CGNL1: variants seen among roughly 807,000 people sequenced by gnomAD.
CGNL1 encodes cingulin-like protein 1.
In CGNL1, 132 loss-of-function variants were observed where a neutral mutation model predicts 141.2. That is an observed-to-expected ratio of 0.93 (90% CI 0.81 to 1.08). The LOEUF is 1.08. Among genes scored for constraint, CGNL1 ranks in the 50% least tolerant of loss-of-function variants. CGNL1 has a pLI of 0.00. For missense variants in CGNL1, 1,870 were observed against 1,588.6 expected, an observed-to-expected ratio of 1.18 and a Z score of -3.01; for synonymous variants, 690 against 622.1, an observed-to-expected ratio of 1.11 and a Z score of -1.63.
intron 8 of CGNL1, among the ~76,000 whole-genome samples, chr15:57,473,533 A>G (rs2063609564): frequency 6.6e-6 from 1 of 152,112 alleles, no homozygotes; most frequent in Non-Finnish European, 1.5e-5. Context: ...GTCCCTTCCC[A>G]TGTCGAAAAG....
intron 1 of CGNL1, among the ~76,000 whole-genome samples, chr15:57,379,183 G>T (rs1161176785): frequency 6.6e-6 from 1 of 152,098 alleles, no homozygotes; most frequent in African/African-American, 2.4e-5. Flanking sequence ...TGAATTCATG[G>T]TGTCTGAAAA....
intron 8 of CGNL1, among the ~76,000 whole-genome samples, chr15:57,467,406 ACAG>A (rs2063523081): frequency 6.6e-6 from 1 of 152,160 alleles, no homozygotes; most frequent in South Asian, 2.1e-4. Flanking sequence ...GGTACTGAGT[ACAG>A]CATGAGCAAT....
chr15:57,538,464 T>TC (rs1189368319), intron 14 of CGNL1, among the ~76,000 whole-genome samples: 1 of 148,770 alleles, frequency 6.7e-6, no homozygotes, highest in African/African-American at 2.4e-5. Context: ...GATAAATAAT[T>TC]CCTTTTTTTG....
chr15:57,479,635 G>T (rs1231929719), intron 8 of CGNL1, among the ~76,000 whole-genome samples: 1 of 152,218 alleles, frequency 6.6e-6, no homozygotes, highest in Non-Finnish European at 1.5e-5. Flanking sequence ...CTGCACTTCA[G>T]CCTGGGTGAT....
At chr15:57,518,713 C>T (rs1372311520) in intron 10 of CGNL1, among the ~76,000 whole-genome samples, 1 of 152,204 alleles carries the variant, frequency 6.6e-6, no homozygotes, top group African/African-American at 2.4e-5. Context: ...GTTGTCACAA[C>T]TGGAGAGATG....
intron 1 of CGNL1, among the ~76,000 whole-genome samples, chr15:57,381,165 C>A (rs1354305587): frequency 1.3e-5 from 2 of 152,190 alleles, no homozygotes; most frequent in Admixed American, 6.5e-5. Flanking sequence ...ACTTTTCGTT[C>A]ATTACTGTAA....
chr15:57,379,046 TTTTGTG>T, intron 1 of CGNL1, among the ~76,000 whole-genome samples: 1 of 144,300 alleles, frequency 6.9e-6, no homozygotes, highest in East Asian at 1.9e-4. Context: ...CTACTGTTTT[TTTTGTG>T]TGTGTGTGTG....
intron 4 of CGNL1, among the ~76,000 whole-genome samples, chr15:57,445,345 C>G (rs1228989045): frequency 2.0e-5 from 3 of 152,202 alleles, no homozygotes; most frequent in African/African-American, 7.2e-5. Context: ...CCTATTACAG[C>G]TCCATGACTG....
In CGNL1 at chr15:57,481,805, TA is replaced by T. The variant is rs1322214834; in HGVS notation, c.2403+19915del. Among the ~76,000 whole-genome samples, 5 of 152,302 alleles carry T rather than the reference TA, an allele frequency of 3.3e-5. No individual in the cohort carries two copies. The East Asian group carries it at 9.6e-4, about 29-fold the overall frequency. On this transcript the variant is annotated intron_variant, in intron 8 of 18. Transcript: ENST00000281282. ...GGAGTGCAATTGCTAGGATGAATGG[TA>T]ATTACATGTTTAGCTTTTAAAGAAC...
chr15:57,466,609 C>CTACTTGGTAACACCATTG (rs1459931373), intron 8 of CGNL1, among the ~76,000 whole-genome samples: 2 of 152,102 alleles, frequency 1.3e-5, no homozygotes, highest in African/African-American at 2.4e-5. Flanking sequence ...TCATCATCTT[C>CTACTTGGTAACACCATTG]TACTTGGTAA....
At chr15:57,515,138 A>G (rs1227806981) in intron 8 of CGNL1, among the ~76,000 whole-genome samples, 1 of 152,092 alleles carries the variant, frequency 6.6e-6, no homozygotes, top group Non-Finnish European at 1.5e-5. Context: ...TCTCCTCTGT[A>G]TATTTTTGTG....
rs1268553284 is a variant in CGNL1, at chr15:57,439,345, G to A, written c.1346G>A (p.Gly449Glu). 3.0e-5 allele frequency: 48 copies of A among 1,614,030 alleles called. No individual in the cohort carries two copies. The highest frequency in any genetic ancestry group is 3.9e-5 in the Non-Finnish European group (46 of 1,180,056). The part of the protein sequence containing the change: ...SVGRTFAKLQ[G>E]AAHGASCAHS... ...GGCCGCACCTTTGCAAAGCTGCAGG[G>A]AGCAGCGCACGGGGCTTCATGTGCC... is the stretch of plus-strand genomic sequence containing the variant. The change falls in exon 2 of 19, where the codon GGA becomes GAA. Residue 449 changes from glycine to glutamate, a missense_variant. By Grantham distance (98) the Gly-to-Glu change is moderately conservative (BLOSUM62 -2). Transcript: ENST00000281282.
Position 57,442,374 on chromosome 15 carries a change from A to C in CGNL1, c.1699A>C (p.Ser567Arg). The C allele has an allele frequency of 6.2e-7, 1 of 1,603,218 alleles. No individual in the cohort carries two copies. Among genetic ancestry groups the C allele is most frequent in the Non-Finnish European group, 8.5e-7 (1 of 1,170,988 alleles). The change falls in exon 4 of 19, where the codon AGC becomes CGC. Residue 567 changes from serine to arginine, a missense_variant and splice_region_variant. Transcript: ENST00000281282. ...QILYNYLKEG[S>R]TDNDDATKRK... is the part of the protein sequence containing the mutation. ...TTTTCTCTGCTGTCCCTTTTTCAGAAGCACTGATAATGACGATGCTACTAA... is the reference window on the plus strand; with the variant it reads ...TTTTCTCTGCTGTCCCTTTTTCAGACGCACTGATAATGACGATGCTACTAA...
chr15:57,431,642 G>A (rs2063045895), intron 1 of CGNL1, among the ~76,000 whole-genome samples: 1 of 152,186 alleles, frequency 6.6e-6, no homozygotes, highest in Non-Finnish European at 1.5e-5. Context: ...TCCAACCTGC[G>A]GCCCGTGGGC....
At chr15:57,415,028 A>G (rs147012730) in intron 1 of CGNL1, among the ~76,000 whole-genome samples, 232 of 152,318 alleles carry the variant, frequency 1.5e-3, no homozygotes, top group African/African-American at 5.5e-3. Context: ...GGAGCAGATG[A>G]ATGGTGTCTT....
At chr15:57,402,391 C>G (rs2899601) in intron 1 of CGNL1, among the ~76,000 whole-genome samples, 79,541 of 152,024 alleles carry the variant, frequency 0.52, 21,023 homozygotes, top group Middle Eastern at 0.58. Context: ...CCTGCAGAAC[C>G]GTGAGCCAAG....
chr15:57,452,644 C>T (rs1050792463), intron 6 of CGNL1, among the ~76,000 whole-genome samples: 2 of 152,020 alleles, frequency 1.3e-5, no homozygotes, highest in Admixed American at 6.6e-5. Context: ...GCATGTGTTA[C>T]GTGGCCCCCG....
rs746761821 is a variant in CGNL1 at position 57,543,754 on chromosome 15, G to A, written c.3350G>A (p.Cys1117Tyr). Residue 1117 changes from cysteine (C) to tyrosine (Y), a missense_variant, in exon 15 of 19, where the codon TGC becomes TAC. Transcript: ENST00000281282. ...QERAARQDLE[C>Y]DKISLERQNK... is the part of the protein sequence containing the mutation. ...AGAGCTGCGAGACAAGACTTGGAGT[G>A]CGACAAGATTTCCCTGGAGAGGCAG... The A allele has an allele frequency of 4.4e-5, 71 of 1,613,972 alleles. No homozygotes were observed. Among genetic ancestry groups the A allele is most frequent in the Non-Finnish European group, 5.8e-5 (68 of 1,179,972 alleles).
At chr15:57,442,817 C>G (rs954938092) in intron 4 of CGNL1, among the ~76,000 whole-genome samples, 2 of 152,110 alleles carry the variant, frequency 1.3e-5, no homozygotes, top group Non-Finnish European at 2.9e-5. Context: ...GAGGGTTTCA[C>G]CATGTTGCTC....
Sources: allele counts gnomAD v4.1 joint callset (sites outside exome capture counted in the v4.1 genomes callset), GRCh38; gene constraint gnomAD v4.1.1; transcripts MANE v1.5; gene names NCBI Gene and HGNC (gene_info 2026-07-23, HGNC 2026-07-21).